The following PHACTR1 variants were observed in gnomAD, a reference collection of about 807,000 sequenced individuals.
PHACTR1 encodes phosphatase and actin regulator 1.
In PHACTR1, 16 loss-of-function variants were observed where a neutral mutation model predicts 69.2. The observed-to-expected ratio is 0.23, with a 90% CI of 0.16 to 0.35. PHACTR1 has a LOEUF of 0.35. PHACTR1 is among the 10% of genes least tolerant of loss of function. The pLI is 1.00. For missense variants in PHACTR1, 510 were observed against 734.7 expected (o/e 0.69, Z 3.54); for synonymous variants, 312 against 284.5 (o/e 1.10, Z -0.97).
intron 5 of PHACTR1, among the ~76,000 whole-genome samples, chr6:13,064,045 G>A (rs1014848663): frequency 6.6e-6 from 1 of 152,138 alleles, no homozygotes; most frequent in Non-Finnish European, 1.5e-5. Flanking sequence ...TATAAATATT[G>A]TGTTGGTAAT....
intron 5 of PHACTR1, among the ~76,000 whole-genome samples, chr6:13,145,056 G>T (rs1037849338): frequency 4.6e-5 from 7 of 152,162 alleles, no homozygotes; most frequent in African/African-American, 1.7e-4. Flanking sequence ...TTAATCAATT[G>T]GTTATCTATT....
chr6:13,046,217 A>G (rs1805007565), intron 4 of PHACTR1, among the ~76,000 whole-genome samples: 3 of 152,122 alleles, frequency 2.0e-5, no homozygotes, highest in African/African-American at 7.2e-5. Flanking sequence ...TCCTAGGTAG[A>G]AAGATAGCCA....
chr6:13,068,123 C>T (rs1423306204), intron 5 of PHACTR1, among the ~76,000 whole-genome samples: 1 of 152,118 alleles, frequency 6.6e-6, no homozygotes, highest in Non-Finnish European at 1.5e-5. Flanking sequence ...TTGAGACCAG[C>T]CTGGGCAACA....
intron 4 of PHACTR1, among the ~76,000 whole-genome samples, chr6:12,752,039 C>A (rs749055441): frequency 6.6e-6 from 1 of 152,184 alleles, no homozygotes; most frequent in Non-Finnish European, 1.5e-5. Context: ...CCCTCTCCAC[C>A]TACATTTGCT....
chr6:12,969,393 G>T (rs1044829494), intron 4 of PHACTR1, among the ~76,000 whole-genome samples: 7 of 152,162 alleles, frequency 4.6e-5, no homozygotes, highest in African/African-American at 1.7e-4. Context: ...TAACTACAGA[G>T]TTGACATTCA....
Position 13,287,196 on chromosome 6 carries a change from T to G in PHACTR1, c.*118T>G. 1 of 1,046,666 alleles carries G rather than the reference T, an allele frequency of 9.6e-7. No homozygotes were observed. The highest frequency in any genetic ancestry group is 1.4e-6 in the Non-Finnish European group (1 of 730,594). The allele number at this position is 1,046,666 out of a possible 1,614,324, so 64.8% of individuals were successfully genotyped here. A position where few individuals can be genotyped will look rare whatever the true frequency, so the allele number is the denominator to read the frequency against. On this transcript the variant is annotated 3_prime_UTR_variant, in exon 15 of 15. Transcript: ENST00000332995. ...GTAAATCTTCTGAACTGCCTTTTTT[T>G]TAAAAAGAAGAAAAATCAAGGAAAC... is the stretch of plus-strand genomic sequence containing the variant.
At chr6:13,069,147 G>T (rs1809127162) in intron 5 of PHACTR1, among the ~76,000 whole-genome samples, 1 of 152,082 alleles carries the variant, frequency 6.6e-6, no homozygotes, top group Non-Finnish European at 1.5e-5. Flanking sequence ...CAGAAACAGA[G>T]GAACACTAAC....
intron 4 of PHACTR1, among the ~76,000 whole-genome samples, chr6:12,891,325 T>G (rs114497355): frequency 1.1e-4 from 16 of 152,274 alleles, no homozygotes; most frequent in African/African-American, 3.6e-4. Flanking sequence ...TTAATCCATA[T>G]CTTGTCCCTG....
intron 3 of PHACTR1, among the ~76,000 whole-genome samples, chr6:12,744,491 C>T (rs947248637): frequency 3.3e-5 from 5 of 152,182 alleles, no homozygotes; most frequent in Admixed American, 1.3e-4. Flanking sequence ...ACTCCAAAAT[C>T]GGCCAGTCAG....
chr6:13,241,960 G>A (rs142120410), intron 10 of PHACTR1, among the ~76,000 whole-genome samples: 11 of 150,830 alleles, frequency 7.3e-5, no homozygotes, highest in African/African-American at 2.7e-4. Context: ...TTGAACCCAG[G>A]AGATGGAGGT....
intron 4 of PHACTR1, among the ~76,000 whole-genome samples, chr6:13,025,671 TTGTGTGTGTGTGTG>T (rs60800778): frequency 7.1e-5 from 10 of 140,220 alleles, no homozygotes; most frequent in East Asian, 2.1e-4. Context: ...CATATATTAT[TTGTGTGTGTGTGTG>T]TGTGTGTGTG....
Position 12,866,587 on chromosome 6 carries a change from C to A in PHACTR1, c.250+116797C>A, listed in dbSNP as rs188435296. Among the ~76,000 whole-genome samples, 5 of 152,272 alleles carry A rather than the reference C, an allele frequency of 3.3e-5. No homozygotes were observed. The East Asian group carries it at 9.6e-4, about 29-fold the overall frequency. ...TCCGCCCACTCAATCTTCTTTCCTC[C>A]CACACACATGCCATGTCTTTGTAGG... On this transcript the variant is annotated intron_variant, in intron 4 of 14. Coordinates refer to ENST00000332995, the MANE Select transcript of PHACTR1 (RefSeq NM_030948.6).
At chr6:12,788,149 C>T (rs1369519099) in intron 4 of PHACTR1, among the ~76,000 whole-genome samples, 1 of 142,238 alleles carries the variant, frequency 7.0e-6, no homozygotes, top group African/African-American at 2.7e-5. Flanking sequence ...CAGAATGAGA[C>T]TCAATCTCAA....
chr6:13,078,943 T>TG (rs997160566), intron 5 of PHACTR1, among the ~76,000 whole-genome samples: 8 of 152,172 alleles, frequency 5.3e-5, no homozygotes, highest in African/African-American at 7.2e-5. Flanking sequence ...TTTTGCTGTT[T>TG]GGGGGGGTCT....
chr6:12,727,111 G>T (rs1302358351), intron 3 of PHACTR1, among the ~76,000 whole-genome samples: 3 of 152,120 alleles, frequency 2.0e-5, no homozygotes, highest in Admixed American at 2.0e-4. Flanking sequence ...ACACACAACT[G>T]ACAAACTACC....
intron 4 of PHACTR1, among the ~76,000 whole-genome samples, chr6:12,954,029 G>A (rs780406376): frequency 6.6e-6 from 1 of 152,186 alleles, no homozygotes; most frequent in Admixed American, 6.5e-5. Flanking sequence ...TGTTAATTTT[G>A]ACTACAAGAT....
At chr6:13,214,431 A>G (rs1767366511) in intron 8 of PHACTR1, among the ~76,000 whole-genome samples, 1 of 152,240 alleles carries the variant, frequency 6.6e-6, no homozygotes, top group African/African-American at 2.4e-5. Flanking sequence ...TTTAGCCATC[A>G]TTGAAGTACA....
chr6:12,740,559 T>G (rs1764899461), intron 3 of PHACTR1, among the ~76,000 whole-genome samples: 1 of 152,086 alleles, frequency 6.6e-6, no homozygotes, highest in East Asian at 1.9e-4. Context: ...TCTGTTCAAG[T>G]TTTTGGTCCA....
chr6:12,858,738 G>C (rs57824354), intron 4 of PHACTR1, among the ~76,000 whole-genome samples: 1 of 152,058 alleles, frequency 6.6e-6, no homozygotes, highest in African/African-American at 2.4e-5. Context: ...TCAGTATGCA[G>C]TGAGTTATGA....
Sources: gnomAD v4.1 joint callset for allele counts (sites outside exome capture counted in the v4.1 genomes callset) on GRCh38, gnomAD v4.1.1 for gene constraint, MANE v1.5 for transcripts, NCBI Gene and HGNC (gene_info 2026-07-23, HGNC 2026-07-21) for gene names.